The following SGK3 variants were observed in gnomAD, a reference collection of about 807,000 sequenced individuals.
SGK3 encodes the protein serum/glucocorticoid regulated kinase family member 3.
In SGK3, 47 loss-of-function variants were observed where a neutral mutation model predicts 68.5. The observed-to-expected ratio is 0.69, with a 90% CI of 0.54 to 0.87. SGK3 has a LOEUF of 0.87. SGK3 is among the 40% of genes least tolerant of loss of function. The pLI is 0.00. For synonymous variants in SGK3, 181 were observed against 189.1 expected (o/e 0.96, Z 0.35); for missense variants, 479 against 575.5 (o/e 0.83, Z 1.72).
At chr8:66,842,736 T>C (rs2130728983) in intron 13 of SGK3, among the ~76,000 whole-genome samples, 1 of 152,282 alleles carries the variant, frequency 6.6e-6, no homozygotes, top group South Asian at 2.1e-4. Flanking sequence ...CAATTCTTTC[T>C]TTTTTACTGA....
chr8:66,846,180 C>T (rs1810005709), intron 14 of SGK3, among the ~76,000 whole-genome samples: 1 of 152,060 alleles, frequency 6.6e-6, no homozygotes, highest in Non-Finnish European at 1.5e-5. Context: ...GCTCTGGACA[C>T]ATTAATTCAA....
At chr8:66,763,731 A>G (rs918425203) in intron 1 of SGK3, among the ~76,000 whole-genome samples, 5 of 152,116 alleles carry the variant, frequency 3.3e-5, no homozygotes, top group Non-Finnish European at 7.3e-5. Flanking sequence ...GATACTTCCA[A>G]TTGAAATTCA....
intron 1 of SGK3, among the ~76,000 whole-genome samples, chr8:66,759,982 A>T (rs1248217637): frequency 1.3e-5 from 2 of 152,170 alleles, no homozygotes; most frequent in Non-Finnish European, 2.9e-5. Flanking sequence ...GTTGGCCACC[A>T]TTCAATCTAC....
intron 14 of SGK3, among the ~76,000 whole-genome samples, chr8:66,846,120 A>G (rs1379054017): frequency 1.3e-5 from 2 of 152,156 alleles, no homozygotes; most frequent in Non-Finnish European, 2.9e-5. Flanking sequence ...TTTAAAAAAG[A>G]ACAGTAACAT....
chr8:66,859,893 A>G lies in SGK3; in HGVS notation c.*312A>G, dbSNP rs1810688301. 1 of 208,362 alleles carries G rather than the reference A, an allele frequency of 4.8e-6. No homozygotes were observed. The highest frequency in any genetic ancestry group is 1.0e-4 in the South Asian group (1 of 9,736). The allele number at this position is 208,362 out of a possible 1,614,324, so 12.9% of individuals were successfully genotyped here. ...GACTGTTTTTTCCCTCTAAGTTTAC[A>G]CTAACATCTACCCAAGATAGACTGT... On this transcript the variant is annotated 3_prime_UTR_variant, in exon 17 of 17. Coordinates refer to ENST00000521198, the MANE Select transcript of SGK3 (RefSeq NM_001033578.3).
intron 14 of SGK3, among the ~76,000 whole-genome samples, chr8:66,843,858 G>T (rs1809896975): frequency 6.6e-6 from 1 of 152,034 alleles, no homozygotes; most frequent in African/African-American, 2.4e-5. Context: ...ATCTGGGTGT[G>T]GTAGTGCATA....
chr8:66,730,741 G>A (rs1290770360), intron 1 of SGK3, among the ~76,000 whole-genome samples: 8 of 152,026 alleles, frequency 5.3e-5, no homozygotes, highest in Non-Finnish European at 7.4e-5. Flanking sequence ...GCAGTGGTGC[G>A]GTCTCAGCTC....
intron 16 of SGK3, among the ~76,000 whole-genome samples, chr8:66,853,953 C>G (rs1356052641): frequency 6.6e-6 from 1 of 152,186 alleles, no homozygotes. Context: ...GAACAACCAA[C>G]ACAAAACAAG....
In SGK3 at chr8:66,847,183, T is replaced by G; in HGVS notation, c.1075-10T>G. 1 of 1,585,686 alleles carries G rather than the reference T, an allele frequency of 6.3e-7. No individual in the cohort carries two copies. Among genetic ancestry groups the G allele is most frequent in the East Asian group, 2.2e-5 (1 of 44,688 alleles). Reference sequence around the variant, plus strand: ...ACCACTAAGTTTATTTTGCTTTTTTTTTTTTCCAGCCTCCTTTTTATTGCC... The same window carrying G: ...ACCACTAAGTTTATTTTGCTTTTTTGTTTTTCCAGCCTCCTTTTTATTGCC... On this transcript the variant is annotated splice_polypyrimidine_tract_variant and intron_variant, in intron 14 of 16. Transcript: ENST00000521198.
At chr8:66,822,510 G>A (rs774115503) in intron 6 of SGK3, 51 bp downstream of exon 6, 1 of 1,565,028 alleles carries the variant, frequency 6.4e-7, no homozygotes, top group Non-Finnish European at 8.7e-7. Flanking sequence ...TTCCAAAGGT[G>A]AAATTAGTGG....
At chr8:66,719,267 TTTTA>T (rs1012172182) in intron 1 of SGK3, among the ~76,000 whole-genome samples, 1 of 152,226 alleles carries the variant, frequency 6.6e-6, no homozygotes, top group African/African-American at 2.4e-5. Context: ...GAGTTTTTTT[TTTTA>T]AATGGGGATT....
At chr8:66,805,570 G>T (rs1808125024) in intron 4 of SGK3, among the ~76,000 whole-genome samples, 1 of 151,850 alleles carries the variant, frequency 6.6e-6, no homozygotes, top group Admixed American at 6.6e-5. Context: ...TACCCTTGGG[G>T]AACCCATGGA....
chr8:66,748,410 G>T (rs1805711192), intron 1 of SGK3, among the ~76,000 whole-genome samples: 1 of 152,114 alleles, frequency 6.6e-6, no homozygotes, highest in Non-Finnish European at 1.5e-5. Context: ...GAAATAATTT[G>T]TTTGCTAAGC....
intron 4 of SGK3, among the ~76,000 whole-genome samples, chr8:66,806,282 C>A (rs1217207511): frequency 6.6e-6 from 1 of 151,970 alleles, no homozygotes; most frequent in Non-Finnish European, 1.5e-5. Context: ...TCTGAAGGTG[C>A]AGACTTATGT....
chr8:66,767,216 T>C (rs1218045787), intron 1 of SGK3, among the ~76,000 whole-genome samples: 1 of 152,272 alleles, frequency 6.6e-6, no homozygotes, highest in Non-Finnish European at 1.5e-5. Context: ...CATTTTCTGC[T>C]TTATTTTGGA....
intron 1 of SGK3, among the ~76,000 whole-genome samples, chr8:66,756,777 T>C (rs1428457058): frequency 6.6e-6 from 1 of 151,966 alleles, no homozygotes; most frequent in African/African-American, 2.4e-5. Flanking sequence ...GAGACGGGGT[T>C]TGGCAGGGTC....
chr8:66,828,764 G>A (rs371274274), intron 7 of SGK3, 61 bp downstream of exon 7: 220 of 1,578,156 alleles, frequency 1.4e-4, no homozygotes, highest in Middle Eastern at 5.0e-4. Flanking sequence ...TTTTTTGAGC[G>A]TATGCAGATA....
intron 12 of SGK3, chr8:66,840,567 G>T (rs1445465862): frequency 7.4e-6 from 2 of 271,816 alleles, no homozygotes; most frequent in Non-Finnish European, 1.4e-5. Flanking sequence ...TTGACAGTCT[G>T]GTTAATAGTA....
In SGK3 at chr8:66,713,877, C is replaced by A. The variant is rs919285724; in HGVS notation, c.-122+1044C>A. Among the ~76,000 whole-genome samples, 12 of 152,144 alleles carry A rather than the reference C, an allele frequency of 7.9e-5. No homozygotes were observed. The East Asian group carries it at 2.1e-3, about 27-fold the overall frequency. On this transcript the variant is annotated intron_variant, in intron 1 of 16. Transcript: ENST00000521198. The stretch of plus-strand genomic sequence containing the variant: ...TTTAGCACCGGGTGTGCCTTCTGGT[C>A]CCCTTGGCTACCACTTCTGTAAGAC...
Sources: gnomAD v4.1 joint callset for allele counts (sites outside exome capture counted in the v4.1 genomes callset) on GRCh38, gnomAD v4.1.1 for gene constraint, MANE v1.5 for transcripts, NCBI Gene and HGNC (gene_info 2026-07-23, HGNC 2026-07-21) for gene names.